DIPK1A: variants seen among roughly 807,000 people sequenced by gnomAD.
DIPK1A encodes the protein divergent protein kinase domain 1A.
In DIPK1A, 27 loss-of-function variants were observed where a neutral mutation model predicts 40.8. That is an observed-to-expected ratio of 0.66 (90% CI 0.49 to 0.91). The LOEUF (loss-of-function observed/expected upper bound fraction) is 0.91. Among genes scored for constraint, DIPK1A ranks in the 40% least tolerant of loss-of-function variants. DIPK1A has a pLI of 0.00. For synonymous variants in DIPK1A, 166 were observed against 171.3 expected, an observed-to-expected ratio of 0.97 and a Z score of 0.24; for missense variants, 412 against 505.7, an observed-to-expected ratio of 0.81 and a Z score of 1.78.
At chr1:92,948,757 GTA>G (rs1254148130) in intron 1 of DIPK1A, among the ~76,000 whole-genome samples, 1 of 128,770 alleles carries the variant, frequency 7.8e-6, no homozygotes, top group South Asian at 2.3e-4. Context: ...ACATATATAT[GTA>G]TATATATGTG....
intron 4 of DIPK1A, among the ~76,000 whole-genome samples, chr1:92,835,988 T>G (rs1687109512): frequency 6.6e-6 from 1 of 152,222 alleles, no homozygotes; most frequent in South Asian, 2.1e-4. Flanking sequence ...CAAAATTGTT[T>G]CAAGTGAAAT....
chr1:92,916,093 G>T (rs1303011551), intron 1 of DIPK1A, among the ~76,000 whole-genome samples: 1 of 152,094 alleles, frequency 6.6e-6, no homozygotes, highest in African/African-American at 2.4e-5. Context: ...GTAGATTAGT[G>T]GTTGTCAGAG....
intron 1 of DIPK1A, among the ~76,000 whole-genome samples, chr1:92,950,657 G>T (rs1285912658): frequency 1.3e-5 from 2 of 152,186 alleles, no homozygotes; most frequent in African/African-American, 4.8e-5. Flanking sequence ...GCTGCAGTGA[G>T]CTATGATTGT....
chr1:92,837,492 G>A, downstream of DIPK1A: 5 of 1,613,126 alleles, frequency 3.1e-6, no homozygotes, highest in South Asian at 1.1e-5. Flanking sequence ...CTGAAAGCAA[G>A]GAATTTAATG....
chr1:92,941,005 C>T (rs969476929), intron 1 of DIPK1A, among the ~76,000 whole-genome samples: 5 of 28,606 alleles, frequency 1.7e-4, no homozygotes, highest in African/African-American at 3.7e-4. Context: ...TTGTATATTC[C>T]AGATACTAGT....
At position 92,961,442 on chromosome 1, in the gene DIPK1A, T is replaced by C; in HGVS notation, c.-13A>G. The C allele has an allele frequency of 1.3e-6, 2 of 1,485,374 alleles. No homozygotes were observed. Among genetic ancestry groups the C allele is most frequent in the Non-Finnish European group, 1.8e-6 (2 of 1,111,432 alleles). The allele number at this position is 1,485,374 out of a possible 1,614,324, so 92.0% of individuals were successfully genotyped here. ...GACTCCTCGCCATGGTAATCACACA[T>C]CGCCCCGCCGCGCTGCAGTCAGAGG... On this transcript the variant is annotated 5_prime_UTR_variant, in exon 1 of 5. It removes an upstream start codon present in the reference 5' UTR. Coordinates refer to ENST00000370310, the MANE Select transcript of DIPK1A (RefSeq NM_001006605.5).
At chr1:92,954,523 T>C (rs1317850134) in intron 1 of DIPK1A, among the ~76,000 whole-genome samples, 1 of 151,744 alleles carries the variant, frequency 6.6e-6, no homozygotes, top group Non-Finnish European at 1.5e-5. Context: ...TACAGGCACA[T>C]GCCACCATAC....
chr1:92,955,283 A>G (rs1651803106), intron 1 of DIPK1A, among the ~76,000 whole-genome samples: 1 of 152,268 alleles, frequency 6.6e-6, no homozygotes, highest in Non-Finnish European at 1.5e-5. Flanking sequence ...CATTTATCCA[A>G]ACACACTGAA....
chr1:92,947,742 C>T (rs1360994056), intron 1 of DIPK1A, among the ~76,000 whole-genome samples: 1 of 152,138 alleles, frequency 6.6e-6, no homozygotes, highest in African/African-American at 2.4e-5. Context: ...TCTTGTCTTT[C>T]ACGGCAATAT....
intron 1 of DIPK1A, among the ~76,000 whole-genome samples, chr1:92,945,007 G>A (rs1205505636): frequency 6.6e-6 from 1 of 152,062 alleles, no homozygotes; most frequent in African/African-American, 2.4e-5. Context: ...GAAGAAGATG[G>A]CACAGATTAG....
Position 92,835,232 on chromosome 1 carries a change from G to A in DIPK1A, c.475-2198C>T, listed in dbSNP as rs1687071576. ...ACTTAATTGGACAATGAAGACCCTT[G>A]CTACTTAGGTATACATTCTGAATGT... On this transcript the variant is annotated intron_variant, in intron 4 of 4. Transcript: ENST00000615519. 7.1e-6 allele frequency: 3 copies of A among 424,122 alleles called. No individual in the cohort carries two copies. The Admixed American group carries it at 1.1e-4, about 15-fold the overall frequency. The allele number at this position is 424,122 out of a possible 1,614,324, so 26.3% of individuals were successfully genotyped here. A position where few individuals can be genotyped will look rare whatever the true frequency, so the allele number is the denominator to read the frequency against.
At chr1:92,923,138 T>C (rs1446704114) in intron 1 of DIPK1A, among the ~76,000 whole-genome samples, 2 of 152,162 alleles carry the variant, frequency 1.3e-5, no homozygotes, top group African/African-American at 2.4e-5. Flanking sequence ...TGTGTATGTA[T>C]GTTTGTTTTT....
At chr1:92,856,567 A>G (rs551884456) in intron 2 of DIPK1A, among the ~76,000 whole-genome samples, 3 of 152,130 alleles carry the variant, frequency 2.0e-5, no homozygotes, top group Non-Finnish European at 4.4e-5. Flanking sequence ...ACAGGTGTCC[A>G]CCACCAAGCC....
chr1:92,856,009 C>A (rs937805487), intron 2 of DIPK1A, among the ~76,000 whole-genome samples: 5 of 151,962 alleles, frequency 3.3e-5, no homozygotes, highest in African/African-American at 1.2e-4. Context: ...CCCTGGAGGT[C>A]AAGGCTGCAG....
chr1:92,902,252 T>C (rs1007073889), intron 1 of DIPK1A, among the ~76,000 whole-genome samples: 2 of 152,158 alleles, frequency 1.3e-5, no homozygotes, highest in African/African-American at 4.8e-5. Flanking sequence ...GGTTACTACT[T>C]CAGCTCTGGC....
chr1:92,957,060 G>A (rs544430595), intron 1 of DIPK1A, among the ~76,000 whole-genome samples: 1 of 152,270 alleles, frequency 6.6e-6, no homozygotes, highest in African/African-American at 2.4e-5. Context: ...GAATTGTCTT[G>A]ACTTTCATTC....
intron 1 of DIPK1A, among the ~76,000 whole-genome samples, chr1:92,911,336 C>T (rs189309208): frequency 8.5e-5 from 13 of 152,216 alleles, no homozygotes; most frequent in Non-Finnish European, 1.8e-4. Flanking sequence ...ATTTTATGAG[C>T]CAGGAAATGG....
chr1:92,915,582 T>C (rs1650020073), intron 1 of DIPK1A, among the ~76,000 whole-genome samples: 1 of 152,162 alleles, frequency 6.6e-6, no homozygotes. Context: ...TTAGCATCTA[T>C]TCTTGGGTTT....
chr1:92,902,006 G>T (rs889580005), intron 1 of DIPK1A, among the ~76,000 whole-genome samples: 3 of 152,106 alleles, frequency 2.0e-5, no homozygotes, highest in African/African-American at 7.2e-5. Context: ...TACCTAGGGG[G>T]TGAAGTGCCA....
Sources: allele counts gnomAD v4.1 joint callset (sites outside exome capture counted in the v4.1 genomes callset), GRCh38; gene constraint gnomAD v4.1.1; transcripts MANE v1.5; gene names NCBI Gene and HGNC (gene_info 2026-07-23, HGNC 2026-07-21).